Variants in ROBO1 observed in about 807,000 individuals in gnomAD.
The protein encoded by ROBO1 is roundabout guidance receptor 1, also known as roundabout homolog 1.
ROBO1 carries 149 observed loss-of-function variants against 195.9 expected under a neutral mutation model. The ratio of observed to expected loss-of-function variants is 0.76; its 90% CI spans 0.67 to 0.87. The LOEUF (loss-of-function observed/expected upper bound fraction) is 0.87. ROBO1 is among the 40% of genes least tolerant of loss of function. The pLI, the probability that ROBO1 is intolerant of heterozygous loss-of-function variation, is 0.00. For synonymous variants in ROBO1, 816 were observed against 733.2 expected (o/e 1.11, Z -1.82); for missense variants, 1,933 against 2,068.3 (o/e 0.93, Z 1.27).
intron 27 of ROBO1, among the ~76,000 whole-genome samples, chr3:78,617,195 A>T (rs1704160817): frequency 1.3e-5 from 2 of 152,122 alleles, no homozygotes; most frequent in South Asian, 4.1e-4. Context: ...TCCCTACAGA[A>T]TTTTTATTTA....
At chr3:78,991,974 G>A (rs1055900996) in intron 3 of ROBO1, among the ~76,000 whole-genome samples, 8 of 152,038 alleles carry the variant, frequency 5.3e-5, no homozygotes, top group Admixed American at 2.6e-4. Context: ...AATGAATAGA[G>A]AACTAGCACA....
chr3:79,511,273 T>G (rs1940689445), intron 2 of ROBO1, among the ~76,000 whole-genome samples: 2 of 152,156 alleles, frequency 1.3e-5, no homozygotes, highest in Admixed American at 1.3e-4. Flanking sequence ...TGATCGCAAA[T>G]TTTTCAACTT....
chr3:78,887,984 G>C (rs148004273), intron 4 of ROBO1, among the ~76,000 whole-genome samples: 22 of 152,228 alleles, frequency 1.4e-4, no homozygotes, highest in African/African-American at 4.8e-4. Flanking sequence ...GCATTTGTGA[G>C]TTTAATGCTC....
intron 19 of ROBO1, among the ~76,000 whole-genome samples, chr3:78,648,337 C>A (rs1235260839): frequency 6.6e-6 from 1 of 152,008 alleles, no homozygotes; most frequent in Admixed American, 6.6e-5. Flanking sequence ...ACAGAAAAAA[C>A]TGGAGTTTTA....
At chr3:79,588,288 T>C (rs1943892396) in intron 2 of ROBO1, among the ~76,000 whole-genome samples, 1 of 151,718 alleles carries the variant, frequency 6.6e-6, no homozygotes, top group Non-Finnish European at 1.5e-5. Context: ...AAAGGTAACA[T>C]TTTTTATTCC....
intron 2 of ROBO1, among the ~76,000 whole-genome samples, chr3:79,404,646 T>C (rs1305964056): frequency 1.3e-5 from 2 of 152,142 alleles, no homozygotes; most frequent in Admixed American, 1.3e-4. Flanking sequence ...CAGTTAAACC[T>C]GGTTTTCTGA....
chr3:78,598,983 A>G, intron 30 of ROBO1, 56 bp from the exon 31 acceptor site: 1 of 957,256 alleles, frequency 1.0e-6, no homozygotes, highest in Non-Finnish European at 1.6e-6. Context: ...GGATTGTGTT[A>G]TATTTATTTA....
At chr3:79,241,458 T>C (rs2082515865) in intron 2 of ROBO1, among the ~76,000 whole-genome samples, 2 of 152,096 alleles carry the variant, frequency 1.3e-5, no homozygotes, top group Admixed American at 6.5e-5. Context: ...CTTTTTTGAC[T>C]TATTTTTTCA....
At chr3:78,928,113 A>G (rs1290277004) in intron 4 of ROBO1, among the ~76,000 whole-genome samples, 1 of 152,232 alleles carries the variant, frequency 6.6e-6, no homozygotes, top group Non-Finnish European at 1.5e-5. Context: ...ACACACAGAG[A>G]CTAAATAATT....
intron 2 of ROBO1, among the ~76,000 whole-genome samples, chr3:79,128,872 T>C (rs1009605265): frequency 6.6e-6 from 1 of 152,220 alleles, no homozygotes; most frequent in Non-Finnish European, 1.5e-5. Context: ...TCTGGAGGAA[T>C]GTATAGAACT....
At chr3:79,385,082 A>G (rs531498511) in intron 2 of ROBO1, among the ~76,000 whole-genome samples, 1 of 152,262 alleles carries the variant, frequency 6.6e-6, no homozygotes, top group South Asian at 2.1e-4. Context: ...TGTACCATGA[A>G]AAAGCTTTCT....
At chr3:78,689,588 G>GT (rs1415116066) in intron 8 of ROBO1, among the ~76,000 whole-genome samples, 6 of 151,696 alleles carry the variant, frequency 4.0e-5, no homozygotes, top group Admixed American at 3.3e-4. Context: ...TGCACAGAAT[G>GT]TAAGTCTTTT....
intron 2 of ROBO1, among the ~76,000 whole-genome samples, chr3:79,172,219 GTT>G (rs2081180335): frequency 1.3e-5 from 2 of 152,128 alleles, no homozygotes; most frequent in African/African-American, 4.8e-5. Flanking sequence ...AAGCATTTCA[GTT>G]ACTTAGGAGA....
chr3:78,620,883 A>ATATGTGTGTGTG (rs368794312), intron 26 of ROBO1, among the ~76,000 whole-genome samples: 1,892 of 144,644 alleles, frequency 0.013, 42 homozygotes, highest in African/African-American at 0.045. Flanking sequence ...ATATATATAT[A>ATATGTGTGTGTG]TGTGTGTGTG....
chr3:79,702,352 G>C (rs556415369), intron 1 of ROBO1, among the ~76,000 whole-genome samples: 3 of 151,868 alleles, frequency 2.0e-5, no homozygotes, highest in Non-Finnish European at 2.9e-5. Context: ...ATATGACATG[G>C]TGAGGGGATT....
At chr3:78,712,969 T>C (rs954016379) in intron 8 of ROBO1, among the ~76,000 whole-genome samples, 3 of 152,202 alleles carry the variant, frequency 2.0e-5, no homozygotes, top group Non-Finnish European at 2.9e-5. Context: ...TGCCTGGAGA[T>C]AGACACACCT....
intron 3 of ROBO1, among the ~76,000 whole-genome samples, chr3:78,975,658 C>T (rs2076870873): frequency 6.6e-6 from 1 of 152,028 alleles, no homozygotes; most frequent in Non-Finnish European, 1.5e-5. Flanking sequence ...AGTTTCTTTT[C>T]AAAGCTAAAG....
At chr3:78,648,079 A>T (rs1397507401) in intron 19 of ROBO1, among the ~76,000 whole-genome samples, 1 of 152,054 alleles carries the variant, frequency 6.6e-6, no homozygotes, top group African/African-American at 2.4e-5. Context: ...ATTAAAGTGA[A>T]CTACTAGGTG....
chr3:79,228,449 C>A (rs567127148), intron 2 of ROBO1, among the ~76,000 whole-genome samples: 1 of 152,014 alleles, frequency 6.6e-6, no homozygotes, highest in Middle Eastern at 3.2e-3. Context: ...AATTTAAAAC[C>A]CATCTGACAG....
Sources: allele counts gnomAD v4.1 joint callset (sites outside exome capture counted in the v4.1 genomes callset), GRCh38; gene constraint gnomAD v4.1.1; transcripts MANE v1.5; gene names NCBI Gene and HGNC (gene_info 2026-07-23, HGNC 2026-07-21).